ROR2: variants seen among roughly 807,000 people sequenced by gnomAD.
The protein encoded by ROR2 is tyrosine-protein kinase transmembrane receptor ROR2.
Under a neutral mutation model 74.9 loss-of-function variants are expected in ROR2, and 33 were observed. The ratio of observed to expected loss-of-function variants is 0.44; its 90% confidence interval spans 0.33 to 0.59. The LOEUF (loss-of-function observed/expected upper bound fraction) is 0.59. Ranked by LOEUF, ROR2 falls within the 20% of genes least tolerant of loss-of-function variation. The probability of loss-of-function intolerance (pLI) is 0.02; values close to 1 mark genes in which losing one functional copy is unlikely to be tolerated. For missense variants in ROR2, 1,216 were observed against 1,313.8 expected (o/e 0.93, Z 1.15); for synonymous variants, 586 against 558.7 (o/e 1.05, Z -0.69).
At chr9:91,807,586 G>A (rs1310646999) in intron 1 of ROR2, among the ~76,000 whole-genome samples, 2 of 152,210 alleles carry the variant, frequency 1.3e-5, no homozygotes, top group Non-Finnish European at 2.9e-5. Context: ...ACTTGCAACT[G>A]GTGGGAAGAA....
chr9:91,807,767 C>T (rs1326563843), intron 1 of ROR2, among the ~76,000 whole-genome samples: 1 of 152,092 alleles, frequency 6.6e-6, no homozygotes, highest in Non-Finnish European at 1.5e-5. Flanking sequence ...GTGATTGTTG[C>T]TGTGGTGTGA....
At chr9:91,901,467 G>A (rs889933875) in intron 1 of ROR2, among the ~76,000 whole-genome samples, 2 of 152,148 alleles carry the variant, frequency 1.3e-5, no homozygotes, top group African/African-American at 4.8e-5. Context: ...AAAGGCTCAC[G>A]TCATTTCAAA....
chr9:91,920,050 C>T (rs1430585387), intron 1 of ROR2, among the ~76,000 whole-genome samples: 1 of 152,230 alleles, frequency 6.6e-6, no homozygotes, highest in Non-Finnish European at 1.5e-5. Context: ...CCAATATCAA[C>T]AGGCCATTTG....
intron 1 of ROR2, among the ~76,000 whole-genome samples, chr9:91,814,573 G>A (rs1042350823): frequency 1.8e-4 from 27 of 152,180 alleles, no homozygotes; most frequent in Non-Finnish European, 3.4e-4. Context: ...AAGCAGACCA[G>A]CTGTTACATA....
At chr9:91,931,256 C>T (rs1831542292) in intron 1 of ROR2, among the ~76,000 whole-genome samples, 1 of 152,080 alleles carries the variant, frequency 6.6e-6, no homozygotes, top group African/African-American at 2.4e-5. Flanking sequence ...TAAATGGCAA[C>T]GATGTACCAG....
intron 1 of ROR2, among the ~76,000 whole-genome samples, chr9:91,855,831 C>T (rs1829265584): frequency 6.6e-6 from 1 of 152,008 alleles, no homozygotes; most frequent in Non-Finnish European, 1.5e-5. Flanking sequence ...GGGTCAGCAC[C>T]CCCAAGAGAC....
At chr9:91,937,055 C>CAAAA (rs1564051353) in intron 1 of ROR2, among the ~76,000 whole-genome samples, 1 of 130,028 alleles carries the variant, frequency 7.7e-6, no homozygotes, top group African/African-American at 3.0e-5. Context: ...AAAGATTTCC[C>CAAAA]ATCTTCTACT....
intron 1 of ROR2, among the ~76,000 whole-genome samples, chr9:91,801,969 T>G (rs955084240): frequency 3.3e-5 from 5 of 152,126 alleles, no homozygotes; most frequent in Admixed American, 3.3e-4. Context: ...AGTGCATCCT[T>G]GCAGGTTTGC....
intron 3 of ROR2, among the ~76,000 whole-genome samples, chr9:91,757,068 C>A (rs1825776398): frequency 6.6e-6 from 1 of 152,120 alleles, no homozygotes; most frequent in South Asian, 2.1e-4. Flanking sequence ...CCGTGCCTCG[C>A]CCTATTTTCT....
At chr9:91,784,362 C>G (rs1826724746) in intron 1 of ROR2, among the ~76,000 whole-genome samples, 1 of 152,272 alleles carries the variant, frequency 6.6e-6, no homozygotes, top group South Asian at 2.1e-4. Flanking sequence ...CTCCATGCAG[C>G]AGCCACAGGA....
At chr9:91,751,622 G>A (rs750801500) in intron 4 of ROR2, among the ~76,000 whole-genome samples, 9 of 152,176 alleles carry the variant, frequency 5.9e-5, no homozygotes, top group Non-Finnish European at 1.3e-4. Context: ...TCCAGATTGA[G>A]TGTGGGTGAC....
chr9:91,766,266 T>A (rs1467230670), intron 2 of ROR2, among the ~76,000 whole-genome samples: 3 of 152,190 alleles, frequency 2.0e-5, no homozygotes, highest in Non-Finnish European at 4.4e-5. Flanking sequence ...AGATAAACTC[T>A]TTTTGAGGAC....
chr9:91,916,461 G>T (rs984196053), intron 1 of ROR2, among the ~76,000 whole-genome samples: 5 of 152,144 alleles, frequency 3.3e-5, no homozygotes, highest in African/African-American at 1.2e-4. Context: ...GGAAACCCTG[G>T]GCTCCCACCC....
rs772113008 is a variant in ROR2 at position 91,733,291 on chromosome 9, G to A, written c.768C>T (p.Cys256=). 1.1e-5 allele frequency: 18 copies of A among 1,612,594 alleles called. No individual in the cohort carries two copies. In the Admixed American group the frequency reaches 1.2e-4, roughly 10 times the overall value. Residue 256 remains cysteine, a synonymous_variant, in exon 6 of 9, where the codon TGC becomes TGT. Transcript: ENST00000375708. The surrounding 1 kb of genome is among the most constrained non-coding windows in gnomAD (Gnocchi z 5.7). ...GGCACAGGTCGCTCTCCAGCACCTC[G>A]CACTCGTCGCGGCACAGCTCACGCG... is the stretch of plus-strand genomic sequence containing the variant. ...PKPRELCRDE[C]EVLESDLCRQ...
At chr9:91,762,234 G>A (rs954916191) in intron 2 of ROR2, among the ~76,000 whole-genome samples, 31 of 152,102 alleles carry the variant, frequency 2.0e-4, no homozygotes, top group Non-Finnish European at 4.0e-4. Flanking sequence ...GGGCCTACCC[G>A]GATAAGAGAG....
At chr9:91,874,929 G>A (rs1041990745) in intron 1 of ROR2, among the ~76,000 whole-genome samples, 19 of 145,890 alleles carry the variant, frequency 1.3e-4, no homozygotes, top group African/African-American at 3.6e-4. Flanking sequence ...GCGAAACTCC[G>A]TCTCAAAAAA....
At chr9:91,918,638 T>C (rs914056434) in intron 1 of ROR2, among the ~76,000 whole-genome samples, 2 of 152,214 alleles carry the variant, frequency 1.3e-5, no homozygotes, top group African/African-American at 4.8e-5. Context: ...TGCAATTCCA[T>C]AGTAGTGATG....
chr9:91,865,523 C>A lies in ROR2; in HGVS notation c.97+84344G>T, dbSNP rs1044177491. 3.3e-5 allele frequency among the ~76,000 whole-genome samples: 5 copies of A among 152,268 alleles called. No homozygotes were observed. In the East Asian group the frequency reaches 9.6e-4, roughly 29 times the overall value. ...AAGTCATTTCATTTTTAAAAGCACA[C>A]CAAGTAATCAAAAGCAGTTAGGTAA... On this transcript the variant is annotated intron_variant, in intron 1 of 8. Transcript: ENST00000375708.
At chr9:91,925,909 C>G (rs1422838357) in intron 1 of ROR2, among the ~76,000 whole-genome samples, 1 of 152,202 alleles carries the variant, frequency 6.6e-6, no homozygotes, top group African/African-American at 2.4e-5. Context: ...CTTCCACGCA[C>G]TCTGCCTAAT....
Sources: allele counts gnomAD v4.1 joint callset (sites outside exome capture counted in the v4.1 genomes callset), GRCh38; gene constraint gnomAD v4.1.1; non-coding constraint Gnocchi (gnomAD v3.1); transcripts MANE v1.5; gene names NCBI Gene and HGNC (gene_info 2026-07-23, HGNC 2026-07-21).